The following VPS54 variants were observed in gnomAD, a reference collection of about 807,000 sequenced individuals.
VPS54 encodes VPS54 subunit of GARP complex, also known as vacuolar protein sorting-associated protein 54.
VPS54 carries 45 observed loss-of-function variants against 121.5 expected under a neutral mutation model. The observed-to-expected ratio is 0.37, with a 90% CI of 0.29 to 0.47. VPS54 has a LOEUF of 0.47. Among genes scored for constraint, VPS54 ranks in the 20% least tolerant of loss-of-function variants. The pLI, the probability that VPS54 is intolerant of heterozygous loss-of-function variation, is 0.99. For synonymous variants in VPS54, 371 were observed against 385.8 expected (o/e 0.96, Z 0.45); for missense variants, 1,090 against 1,131.4 (o/e 0.96, Z 0.52).
At chr2:63,940,934 C>T (rs1229245593) in intron 11 of VPS54, among the ~76,000 whole-genome samples, 1 of 152,172 alleles carries the variant, frequency 6.6e-6, no homozygotes, top group Non-Finnish European at 1.5e-5. Flanking sequence ...TAGAAGCAGT[C>T]TAAATTAAGC....
intron 1 of VPS54, among the ~76,000 whole-genome samples, chr2:63,997,842 T>G (rs1460771414): frequency 6.6e-6 from 1 of 152,082 alleles, no homozygotes; most frequent in Non-Finnish European, 1.5e-5. Context: ...AGCTATAAAC[T>G]TTCCTCTTTG....
intron 22 of VPS54, among the ~76,000 whole-genome samples, chr2:63,895,031 CAATA>C (rs779908705): frequency 3.2e-4 from 49 of 151,804 alleles, no homozygotes; most frequent in Admixed American, 1.4e-3. Flanking sequence ...TTTAAAAATA[CAATA>C]AATATTTTTT....
chr2:63,932,836 T>A (rs1045914346), intron 12 of VPS54, among the ~76,000 whole-genome samples: 7 of 152,140 alleles, frequency 4.6e-5, no homozygotes, highest in African/African-American at 1.4e-4. Flanking sequence ...TTTGTTTAAA[T>A]GGGATCTGTG....
chr2:63,947,434 T>C lies in VPS54; in HGVS notation c.1194A>G (p.Leu398=). The change falls in exon 9 of 23, where the codon TTA becomes TTG. Residue 398 remains leucine, a synonymous_variant. Coordinates refer to ENST00000272322, the MANE Select transcript of VPS54 (RefSeq NM_016516.3). ...GLLKQRKLNF[L]EIYGEKMVIT... ...TAACCATTTTTTCACCATAGATTTC[T>C]AAAAAATTAAGCTTTCTTTGTTTTA... 6.4e-7 allele frequency: 1 copy of C among 1,554,166 alleles called. No homozygotes were observed. Among genetic ancestry groups the C allele is most frequent in the Non-Finnish European group, 8.8e-7 (1 of 1,136,472 alleles).
intron 11 of VPS54, among the ~76,000 whole-genome samples, chr2:63,941,388 C>T (rs1674724626): frequency 6.6e-6 from 1 of 151,970 alleles, no homozygotes; most frequent in Non-Finnish European, 1.5e-5. Context: ...CTATGCTTGG[C>T]TAATTTAAAA....
intron 15 of VPS54, among the ~76,000 whole-genome samples, chr2:63,918,810 T>A (rs545980047): frequency 6.6e-6 from 1 of 152,160 alleles, no homozygotes; most frequent in Admixed American, 6.5e-5. Flanking sequence ...TTTTCCTGCA[T>A]GCCAAATCTG....
chr2:64,008,229 G>A (rs1678256809), intron 1 of VPS54, among the ~76,000 whole-genome samples: 1 of 151,894 alleles, frequency 6.6e-6, no homozygotes, highest in South Asian at 2.1e-4. Context: ...CCTAGCCAAC[G>A]TGGTGAAACC....
chr2:63,996,180 G>C (rs1034880202), intron 1 of VPS54, among the ~76,000 whole-genome samples: 2 of 152,174 alleles, frequency 1.3e-5, no homozygotes, highest in African/African-American at 4.8e-5. Flanking sequence ...CTGAAGCCAT[G>C]GCAGAAGAAC....
intron 10 of VPS54, among the ~76,000 whole-genome samples, chr2:63,943,167 C>T (rs1398120012): frequency 6.6e-6 from 1 of 152,046 alleles, no homozygotes; most frequent in African/African-American, 2.4e-5. Context: ...TTTAAAAGTA[C>T]CATGTAAGCA....
chr2:63,923,816 T>G (rs1010881427), intron 12 of VPS54, among the ~76,000 whole-genome samples: 6 of 152,214 alleles, frequency 3.9e-5, no homozygotes, highest in African/African-American at 1.2e-4. Flanking sequence ...ATAGGGAAAA[T>G]CTACCACTAA....
At chr2:63,914,034 ATGT>A in intron 17 of VPS54, 145 bp downstream of exon 17, 3 of 1,028,836 alleles carry the variant, frequency 2.9e-6, no homozygotes, top group Non-Finnish European at 4.2e-6. Flanking sequence ...TTCCAATAAC[ATGT>A]TGTGATTCAA....
chr2:63,986,170 C>T (rs1677041418), intron 1 of VPS54, among the ~76,000 whole-genome samples: 1 of 152,098 alleles, frequency 6.6e-6, no homozygotes, highest in Non-Finnish European at 1.5e-5. Context: ...ATAAAAATGA[C>T]TTTTTACTCT....
At chr2:63,960,051 G>T (rs1367483740) in intron 7 of VPS54, among the ~76,000 whole-genome samples, 2 of 151,678 alleles carry the variant, frequency 1.3e-5, no homozygotes, top group East Asian at 3.9e-4. Flanking sequence ...ATAAAAATTA[G>T]CTGGGCATGG....
At chr2:63,896,515 CAG>C (rs1278466223) in intron 22 of VPS54, among the ~76,000 whole-genome samples, 1 of 152,114 alleles carries the variant, frequency 6.6e-6, no homozygotes, top group Non-Finnish European at 1.5e-5. Flanking sequence ...AAAGAAGAAT[CAG>C]ATAATAAGAC....
intron 1 of VPS54, among the ~76,000 whole-genome samples, chr2:64,006,655 G>C (rs1290673209): frequency 6.9e-6 from 1 of 144,838 alleles, no homozygotes; most frequent in Non-Finnish European, 1.5e-5. Flanking sequence ...CAGTCTCACT[G>C]TCAGCAGGCT....
chr2:63,997,409 C>T (rs1038354168), intron 1 of VPS54, among the ~76,000 whole-genome samples: 4 of 152,112 alleles, frequency 2.6e-5, no homozygotes, highest in African/African-American at 7.2e-5. Context: ...CCCTGGGTTT[C>T]TTCATGGTTC....
At chr2:63,907,728 C>CT (rs1433645754) in intron 20 of VPS54, among the ~76,000 whole-genome samples, 1 of 152,002 alleles carries the variant, frequency 6.6e-6, no homozygotes, top group African/African-American at 2.4e-5. Flanking sequence ...ATAAGGAACA[C>CT]TTATAAGACA....
chr2:63,918,969 G>A (rs1174589492), intron 15 of VPS54, among the ~76,000 whole-genome samples: 1 of 152,028 alleles, frequency 6.6e-6, no homozygotes, highest in Non-Finnish European at 1.5e-5. Flanking sequence ...TTTTACTCAA[G>A]TCTTTCTCTT....
chr2:63,963,308 A>G (rs1675852369), intron 6 of VPS54, among the ~76,000 whole-genome samples: 1 of 152,118 alleles, frequency 6.6e-6, no homozygotes, highest in African/African-American at 2.4e-5. Flanking sequence ...ATGGTAATAT[A>G]TATTTAAAAT....
Sources: gnomAD v4.1 joint callset for allele counts (sites outside exome capture counted in the v4.1 genomes callset) on GRCh38, gnomAD v4.1.1 for gene constraint, MANE v1.5 for transcripts, NCBI Gene and HGNC (gene_info 2026-07-23, HGNC 2026-07-21) for gene names.